Variants in WDPCP observed in about 807,000 individuals in gnomAD.
WDPCP encodes WD repeat containing planar cell polarity effector.
In WDPCP, 71 loss-of-function variants were observed where a neutral mutation model predicts 93.1. The observed-to-expected ratio is 0.76, with a 90% CI of 0.63 to 0.93. WDPCP has a LOEUF of 0.93. WDPCP is among the 40% of genes least tolerant of loss of function. The probability of loss-of-function intolerance (pLI) is 0.00; values close to 1 mark genes in which losing one functional copy is unlikely to be tolerated. For missense variants in WDPCP, 844 were observed against 887.4 expected (o/e 0.95, Z 0.62); for synonymous variants, 315 against 315.0 (o/e 1.00, Z 0.00).
At chr2:63,453,638 T>G (rs1698416782) in intron 6 of WDPCP, among the ~76,000 whole-genome samples, 1 of 152,128 alleles carries the variant, frequency 6.6e-6, no homozygotes. Context: ...TAAAGACACA[T>G]GCACACGTAT....
chr2:63,552,504 T>C (rs1358774869), intron 1 of WDPCP, among the ~76,000 whole-genome samples: 3 of 152,166 alleles, frequency 2.0e-5, no homozygotes, highest in Non-Finnish European at 2.9e-5. Context: ...GATTATAAGG[T>C]ATAAACACAG....
At chr2:63,598,986 T>A (rs1422051340) in intron 3 of WDPCP, among the ~76,000 whole-genome samples, 1 of 152,196 alleles carries the variant, frequency 6.6e-6, no homozygotes, top group East Asian at 1.9e-4. Flanking sequence ...CAAAATTTTT[T>A]ATTACCATTT....
At chr2:63,536,525 C>T (rs1704290217) in intron 1 of WDPCP, among the ~76,000 whole-genome samples, 2 of 152,150 alleles carry the variant, frequency 1.3e-5, no homozygotes, top group Admixed American at 1.3e-4. Flanking sequence ...GAATACTATG[C>T]AGCCATAAAA....
chr2:63,184,586 T>C (rs1425398502), intron 14 of WDPCP, among the ~76,000 whole-genome samples: 3 of 152,164 alleles, frequency 2.0e-5, no homozygotes, highest in African/African-American at 4.8e-5. Flanking sequence ...AAGTCCACCG[T>C]TAGTCTGATG....
chr2:63,680,517 G>T (rs918871844), intron 2 of WDPCP, among the ~76,000 whole-genome samples: 2 of 152,206 alleles, frequency 1.3e-5, no homozygotes, highest in Non-Finnish European at 2.9e-5. Context: ...CTGGCCAGAA[G>T]GGAATCACCC....
In WDPCP at chr2:63,139,946, G is replaced by A. The variant is rs13401796; in HGVS notation, c.2190+12968C>T. ...TCTTCTAAAATTTTTATAGTTTCACGACTTAGGTTTAAGTACTTAATCCAT... is the reference window on the plus strand; with the variant it reads ...TCTTCTAAAATTTTTATAGTTTCACAACTTAGGTTTAAGTACTTAATCCAT... On this transcript the variant is annotated intron_variant, in intron 17 of 17. Transcript: ENST00000272321. Among the ~76,000 whole-genome samples, 780 of 152,244 alleles carry A rather than the reference G, an allele frequency of 5.1e-3. 4 individuals carry two copies. The highest frequency in any genetic ancestry group is 0.017 in the African/African-American group (721 of 41,548).
chr2:63,715,143 C>T (rs1240174330), intron 2 of WDPCP, among the ~76,000 whole-genome samples: 1 of 152,024 alleles, frequency 6.6e-6, no homozygotes, highest in African/African-American at 2.4e-5. Context: ...GTTTCTAGGG[C>T]CTTGTGGTAA....
At chr2:63,802,579 G>A (rs1038000286) in intron 2 of WDPCP, among the ~76,000 whole-genome samples, 1 of 152,150 alleles carries the variant, frequency 6.6e-6, no homozygotes, top group Non-Finnish European at 1.5e-5. Flanking sequence ...AAGAATTTTG[G>A]ACTGAATTTC....
chr2:63,295,811 G>C (rs1684804572), intron 13 of WDPCP, among the ~76,000 whole-genome samples: 1 of 145,416 alleles, frequency 6.9e-6, no homozygotes, highest in Non-Finnish European at 1.5e-5. Flanking sequence ...CCCAGGACCA[G>C]ATGAACTCAT....
At chr2:63,380,845 G>A (rs4671496) in intron 11 of WDPCP, among the ~76,000 whole-genome samples, 3 of 151,944 alleles carry the variant, frequency 2.0e-5, no homozygotes, top group Admixed American at 6.6e-5. Context: ...CAAGACCCAC[G>A]ATACAGACTT....
At chr2:63,734,870 TAGACAGAC>T (rs10586648) in intron 2 of WDPCP, among the ~76,000 whole-genome samples, 16,553 of 141,346 alleles carry the variant, frequency 0.12, 1,522 homozygotes, top group African/African-American at 0.28. Context: ...GATAGATAGA[TAGACAGAC>T]AGACAGACAG....
chr2:63,607,346 T>C, intron 3 of WDPCP: 1 of 159,488 alleles, frequency 6.3e-6, no homozygotes, highest in Non-Finnish European at 1.4e-5. Context: ...GAGACCAGCC[T>C]GGGCAAATAG....
intron 14 of WDPCP, among the ~76,000 whole-genome samples, chr2:63,217,120 C>T (rs1574902505): frequency 6.6e-6 from 1 of 152,210 alleles, no homozygotes; most frequent in South Asian, 2.1e-4. Context: ...AAAATCCAGG[C>T]TGATGCCTGT....
chr2:63,153,209 G>A, intron 16 of WDPCP: 1 of 554,686 alleles, frequency 1.8e-6, no homozygotes, highest in Non-Finnish European at 3.2e-6. Flanking sequence ...TCACTTGAGA[G>A]CTTATTAGAA....
chr2:63,416,101 C>CA (rs1407415158), intron 9 of WDPCP, among the ~76,000 whole-genome samples: 4 of 151,870 alleles, frequency 2.6e-5, no homozygotes, highest in Admixed American at 1.3e-4. Context: ...AAAAATTATA[C>CA]AAATACAAAA....
At chr2:63,527,489 G>A (rs376614396) in intron 1 of WDPCP, among the ~76,000 whole-genome samples, 139 of 151,714 alleles carry the variant, frequency 9.2e-4, no homozygotes, top group Admixed American at 1.9e-3. Context: ...CTGTCCTTGC[G>A]ATAGTTTGCT....
intron 14 of WDPCP, among the ~76,000 whole-genome samples, chr2:63,243,817 A>G (rs1051142374): frequency 2.0e-5 from 3 of 152,136 alleles, no homozygotes; most frequent in Admixed American, 2.0e-4. Flanking sequence ...ATCAAGGCAG[A>G]AAAGTAACAA....
chr2:63,643,955 G>T, intron 3 of WDPCP: 2 of 490,660 alleles, frequency 4.1e-6, no homozygotes, highest in Non-Finnish European at 8.2e-6. Context: ...ACCAGTGGAT[G>T]GATGAGGAGT....
intron 3 of WDPCP, among the ~76,000 whole-genome samples, chr2:63,638,780 T>G (rs1357715963): frequency 1.4e-5 from 2 of 146,138 alleles, no homozygotes; most frequent in Admixed American, 6.8e-5. Flanking sequence ...CAGAGGGAGC[T>G]TCTGTCTCGA....
Sources: gnomAD v4.1 joint callset for allele counts (sites outside exome capture counted in the v4.1 genomes callset) on GRCh38, gnomAD v4.1.1 for gene constraint, MANE v1.5 for transcripts, NCBI Gene and HGNC (gene_info 2026-07-23, HGNC 2026-07-21) for gene names.